The following CATSPERT variants were observed in gnomAD, a reference collection of about 807,000 sequenced individuals.
The protein encoded by CATSPERT is cation channel sperm-associated targeting subunit tau.
chr2:201,580,058 A>T, the CATSPERT span, among the ~76,000 whole-genome samples: 2 of 152,006 alleles, frequency 1.3e-5, no homozygotes, highest in Non-Finnish European at 2.9e-5. Flanking sequence ...ATGTTGCCAG[A>T]CTGGTCTCCA....
the CATSPERT span, among the ~76,000 whole-genome samples, chr2:201,524,268 A>ATGGG: frequency 6.6e-6 from 1 of 152,192 alleles, no homozygotes; most frequent in South Asian, 2.1e-4. Flanking sequence ...GGCTCACAAG[A>ATGGG]GACCCTTCAG....
chr2:201,536,056 G>T, the CATSPERT span: 1 of 1,613,020 alleles, frequency 6.2e-7, no homozygotes, highest in South Asian at 1.1e-5. Flanking sequence ...AAAATGCTTG[G>T]ATAGTTATCT....
At chr2:201,585,217 C>T in the CATSPERT span, among the ~76,000 whole-genome samples, 1 of 151,776 alleles carries the variant, frequency 6.6e-6, no homozygotes, top group East Asian at 1.9e-4. Context: ...GGGAACATCA[C>T]ACACCAGGGC....
the CATSPERT span, among the ~76,000 whole-genome samples, chr2:201,572,835 A>G: frequency 6.6e-6 from 1 of 152,232 alleles, no homozygotes; most frequent in Admixed American, 6.5e-5. Flanking sequence ...TGTATTAAAC[A>G]TCATTATAAC....
the CATSPERT span, chr2:201,574,423 G>A: frequency 1.8e-6 from 1 of 556,744 alleles, no homozygotes; most frequent in African/African-American, 2.0e-5. Flanking sequence ...TTTACACAAG[G>A]AACTCCTACA....
At chr2:201,518,418 T>C in the CATSPERT span, among the ~76,000 whole-genome samples, 1 of 152,236 alleles carries the variant, frequency 6.6e-6, no homozygotes, top group Non-Finnish European at 1.5e-5. Context: ...GCTTTTGACT[T>C]GCTAACCAAT....
At chr2:201,566,045 A>G in the CATSPERT span, among the ~76,000 whole-genome samples, 1 of 152,152 alleles carries the variant, frequency 6.6e-6, no homozygotes, top group Admixed American at 6.5e-5. Flanking sequence ...ATCTAGAGAT[A>G]AGTGCTCTCT....
At chr2:201,536,134 G>A in the CATSPERT span, 31 of 1,613,288 alleles carry the variant, frequency 1.9e-5, no homozygotes, top group Non-Finnish European at 2.5e-5. Context: ...TCTGATTGAC[G>A]TTCACCTAAA....
chr2:201,535,480 G>A, the CATSPERT span: 1 of 922,138 alleles, frequency 1.1e-6, no homozygotes, highest in African/African-American at 1.8e-5. Context: ...GTAATAAGGA[G>A]AACATGTTAT....
At chr2:201,540,344 G>T in the CATSPERT span, among the ~76,000 whole-genome samples, 3 of 152,198 alleles carry the variant, frequency 2.0e-5, no homozygotes, top group Non-Finnish European at 4.4e-5. Context: ...CTGAAAGAAG[G>T]TGTCATCTAG....
chr2:201,572,385 G>A, the CATSPERT span, among the ~76,000 whole-genome samples: 172 of 152,258 alleles, frequency 1.1e-3, no homozygotes, highest in African/African-American at 3.7e-3. Flanking sequence ...CCAATGTAGT[G>A]CCCTGTTTAC....
At chr2:201,596,878 ACT>A in the CATSPERT span, among the ~76,000 whole-genome samples, 1 of 152,086 alleles carries the variant, frequency 6.6e-6, no homozygotes, top group Non-Finnish European at 1.5e-5. Flanking sequence ...CCATTTGTAC[ACT>A]GTTTCCACGT....
At chr2:201,535,741 A>T in the CATSPERT span, 1 of 1,345,146 alleles carries the variant, frequency 7.4e-7, no homozygotes, top group Non-Finnish European at 9.5e-7. Context: ...ACTTGGAGAC[A>T]TTTGAATGCA....
the CATSPERT span, among the ~76,000 whole-genome samples, chr2:201,576,860 T>C: frequency 6.6e-6 from 1 of 152,218 alleles, no homozygotes; most frequent in Non-Finnish European, 1.5e-5. Context: ...CATAATTCTA[T>C]ATGATAAGCT....
chr2:201,616,296 C>A, the CATSPERT span, among the ~76,000 whole-genome samples: 2 of 152,114 alleles, frequency 1.3e-5, no homozygotes, highest in Admixed American at 6.6e-5. Flanking sequence ...AACATCGATG[C>A]AAAAATCCTC....
chr2:201,616,754 G>A, the CATSPERT span, among the ~76,000 whole-genome samples: 1 of 152,188 alleles, frequency 6.6e-6, no homozygotes, highest in African/African-American at 2.4e-5. Flanking sequence ...ATTAGGAAAA[G>A]AGGAAGTCAA....
the CATSPERT span, among the ~76,000 whole-genome samples, chr2:201,581,595 C>CACACAT: frequency 0.037 from 649 of 17,764 alleles, 94 homozygotes; most frequent in Non-Finnish European, 0.044. Context: ...TATATATATA[C>CACACAT]ACATACATAT....
chr2:201,487,927 AT>A, the CATSPERT span: 1 of 1,524,712 alleles, frequency 6.6e-7, no homozygotes, highest in Non-Finnish European at 8.8e-7. Flanking sequence ...AAAAGATCCA[AT>A]TGGTAAATTA....
chr2:201,591,350 C>G, the CATSPERT span, among the ~76,000 whole-genome samples: 191 of 152,174 alleles, frequency 1.3e-3, no homozygotes, highest in African/African-American at 4.0e-3. Flanking sequence ...CTATATCTCT[C>G]TTTTGGTACC....
Sources: allele counts gnomAD v4.1 joint callset (sites outside exome capture counted in the v4.1 genomes callset), GRCh38; gene constraint gnomAD v4.1.1; transcripts MANE v1.5; gene names NCBI Gene and HGNC (gene_info 2026-07-23, HGNC 2026-07-21).